The following CDH18 variants were observed in gnomAD, a reference collection of about 807,000 sequenced individuals.
CDH18 encodes cadherin-18.
In CDH18, 31 loss-of-function variants were observed where a neutral mutation model predicts 67.9. That is an observed-to-expected ratio of 0.46 (90% CI 0.34 to 0.62). The LOEUF (loss-of-function observed/expected upper bound fraction) is 0.62, where lower values mean the gene tolerates loss of function less well. Ranked by LOEUF, CDH18 falls within the 20% of genes least tolerant of loss-of-function variation. The pLI is 0.01. For synonymous variants in CDH18, 362 were observed against 347.2 expected, an observed-to-expected ratio of 1.04 and a Z score of -0.48; for missense variants, 890 against 975.5, an observed-to-expected ratio of 0.91 and a Z score of 1.17.
At chr5:20,222,869 A>C (rs888627170) in intron 2 of CDH18, among the ~76,000 whole-genome samples, 1 of 152,086 alleles carries the variant, frequency 6.6e-6, no homozygotes, top group Non-Finnish European at 1.5e-5. Flanking sequence ...TTACATTTTT[A>C]AAAATATTTT....
intron 2 of CDH18, among the ~76,000 whole-genome samples, chr5:20,007,142 T>C (rs1045416422): frequency 4.6e-5 from 7 of 151,948 alleles, no homozygotes; most frequent in Non-Finnish European, 8.8e-5. Flanking sequence ...TTAAAAAATA[T>C]AGATTATATA....
At chr5:19,616,803 G>A (rs1186490612) in intron 5 of CDH18, among the ~76,000 whole-genome samples, 2 of 152,116 alleles carry the variant, frequency 1.3e-5, no homozygotes, top group African/African-American at 2.4e-5. Flanking sequence ...GTCCAAGATC[G>A]AGGTACCAGA....
intron 2 of CDH18, among the ~76,000 whole-genome samples, chr5:20,000,236 T>C (rs1736338985): frequency 6.6e-6 from 1 of 152,222 alleles, no homozygotes; most frequent in Non-Finnish European, 1.5e-5. Flanking sequence ...ATTACTAAAC[T>C]ATATTGACTG....
upstream of CDH18, among the ~76,000 whole-genome samples, chr5:19,991,092 T>C (rs537710151): frequency 2.0e-5 from 3 of 152,258 alleles, no homozygotes; most frequent in African/African-American, 7.2e-5. Context: ...AAAGATAAAA[T>C]TGTCATGCTA....
chr5:19,752,446 G>A (rs1163324722), intron 3 of CDH18, among the ~76,000 whole-genome samples: 4 of 152,034 alleles, frequency 2.6e-5, no homozygotes, highest in East Asian at 1.9e-4. Context: ...CTCAGCAGAG[G>A]CAGCCATTAT....
At chr5:19,741,829 T>C (rs1314774264) in intron 4 of CDH18, among the ~76,000 whole-genome samples, 1 of 152,102 alleles carries the variant, frequency 6.6e-6, no homozygotes, top group Non-Finnish European at 1.5e-5. Context: ...GAAGACACCA[T>C]CACTTTGTGG....
At chr5:20,082,134 CA>C (rs577850481) in intron 2 of CDH18, among the ~76,000 whole-genome samples, 148 of 139,408 alleles carry the variant, frequency 1.1e-3, no homozygotes, top group Admixed American at 1.4e-3. Flanking sequence ...CCGATGCATT[CA>C]AAAAAAAAAA....
At chr5:20,232,385 CTG>C (rs2126507352) in intron 2 of CDH18, among the ~76,000 whole-genome samples, 1 of 152,204 alleles carries the variant, frequency 6.6e-6, no homozygotes, top group African/African-American at 2.4e-5. Flanking sequence ...TGATACATAA[CTG>C]TGCGATGTTG....
intron 1 of CDH18, among the ~76,000 whole-genome samples, chr5:20,445,135 C>T (rs1018211105): frequency 2.0e-5 from 3 of 152,130 alleles, no homozygotes; most frequent in Non-Finnish European, 2.9e-5. Context: ...CTCTCGTCTT[C>T]TAAACATAGT....
rs1762039693 is a variant in CDH18, at chr5:19,692,564, GA to G, written c.643+28782del. 1.3e-5 allele frequency among the ~76,000 whole-genome samples: 2 copies of G among 151,798 alleles called. 1 individual carries two copies. The highest frequency in any genetic ancestry group is 3.9e-4 in the East Asian group (2 of 5,178). On this transcript the variant is annotated intron_variant, in intron 5 of 12. Coordinates refer to ENST00000382275, the MANE Select transcript of CDH18 (RefSeq NM_004934.5). Reference sequence around the variant, plus strand: ...AAAACAAATGATCTAATTAAAAAGTGAAAAAGGAGAAAAATATACATTTCTA... The same window carrying G: ...AAAACAAATGATCTAATTAAAAAGTGAAAAGGAGAAAAATATACATTTCTA...
intron 2 of CDH18, among the ~76,000 whole-genome samples, chr5:20,012,831 C>A (rs564244234): frequency 4.6e-5 from 7 of 152,020 alleles, no homozygotes; most frequent in Non-Finnish European, 1.0e-4. Context: ...CACATTCTCA[C>A]TTGTAAGTGG....
chr5:20,385,532 T>A (rs1295430234), intron 1 of CDH18, among the ~76,000 whole-genome samples: 2 of 152,176 alleles, frequency 1.3e-5, no homozygotes, highest in Non-Finnish European at 2.9e-5. Flanking sequence ...TGTCACAGAA[T>A]TTGCAACCAA....
chr5:20,400,994 G>A (rs980353510), intron 1 of CDH18, among the ~76,000 whole-genome samples: 4 of 152,064 alleles, frequency 2.6e-5, no homozygotes, highest in Non-Finnish European at 5.9e-5. Context: ...TTTGAGTTAT[G>A]TACTTCTTGA....
At chr5:19,995,298 T>C (rs1735916914) in intron 2 of CDH18, among the ~76,000 whole-genome samples, 2 of 152,150 alleles carry the variant, frequency 1.3e-5, no homozygotes, top group Admixed American at 6.5e-5. Context: ...TAAATATGCA[T>C]AGAAAACTAT....
At chr5:20,115,451 G>A (rs549622740) in intron 2 of CDH18, among the ~76,000 whole-genome samples, 2 of 151,158 alleles carry the variant, frequency 1.3e-5, no homozygotes, top group South Asian at 4.2e-4. Flanking sequence ...GCTAATTTTT[G>A]TACTTTTAGT....
chr5:19,719,587 T>C (rs537933607), intron 5 of CDH18, among the ~76,000 whole-genome samples: 114 of 152,084 alleles, frequency 7.5e-4, no homozygotes, highest in Admixed American at 1.2e-3. Flanking sequence ...TGCCACCACT[T>C]AGATTACTAG....
At chr5:19,573,833 C>T (rs1247444247) in intron 7 of CDH18, among the ~76,000 whole-genome samples, 1 of 152,120 alleles carries the variant, frequency 6.6e-6, no homozygotes, top group African/African-American at 2.4e-5. Flanking sequence ...ATACGAATAC[C>T]TGGAAAGTTT....
intron 5 of CDH18, among the ~76,000 whole-genome samples, chr5:19,674,345 A>T (rs1396675952): frequency 1.3e-5 from 2 of 152,140 alleles, no homozygotes; most frequent in Non-Finnish European, 2.9e-5. Context: ...TAACAAAGAA[A>T]AAGAGAAAAC....
intron 2 of CDH18, among the ~76,000 whole-genome samples, chr5:19,949,270 T>C (rs1579751437): frequency 1.3e-5 from 2 of 152,252 alleles, no homozygotes; most frequent in East Asian, 3.9e-4. Context: ...AGTTTTGAGA[T>C]ATGTGTATTT....
Sources: allele counts gnomAD v4.1 joint callset (sites outside exome capture counted in the v4.1 genomes callset), GRCh38; gene constraint gnomAD v4.1.1; transcripts MANE v1.5; gene names NCBI Gene and HGNC (gene_info 2026-07-23, HGNC 2026-07-21).